Variants in SCYL2 observed in about 807,000 individuals in gnomAD.
SCYL2 encodes SCY1 like pseudokinase 2.
Under a neutral mutation model 100.4 loss-of-function variants are expected in SCYL2, and 36 were observed. That is an observed-to-expected ratio of 0.36 (90% confidence interval 0.27 to 0.47). The LOEUF is 0.47. Ranked by LOEUF, SCYL2 falls within the 20% of genes least tolerant of loss-of-function variation. The probability of loss-of-function intolerance (pLI) is 1.00; values close to 1 mark genes in which losing one functional copy is unlikely to be tolerated. For missense variants in SCYL2, 902 were observed against 1,083.9 expected, an observed-to-expected ratio of 0.83 and a Z score of 2.36; for synonymous variants, 330 against 359.2, an observed-to-expected ratio of 0.92 and a Z score of 0.92.
chr12:100,304,560 G>A lies in SCYL2; in HGVS notation c.480+6385G>A, dbSNP rs148825908. Among the ~76,000 whole-genome samples the A allele has an allele frequency of 1.9e-3, 295 of 152,278 alleles. 7 individuals are homozygous for A. Among genetic ancestry groups the A allele is most frequent in the African/African-American group, 6.9e-3 (287 of 41,562 alleles). On this transcript the variant is annotated intron_variant, in intron 4 of 17. Coordinates refer to ENST00000360820, the MANE Select transcript of SCYL2 (RefSeq NM_017988.6). Reference sequence around the variant, plus strand: ...TTCCCAGGTGAGGTGAAGCCACACTGTGCTTCAGCTTGCCCTCTGTGGGCT... The same window carrying A: ...TTCCCAGGTGAGGTGAAGCCACACTATGCTTCAGCTTGCCCTCTGTGGGCT...
chr12:100,327,930 A>G (rs1354138017), intron 12 of SCYL2, among the ~76,000 whole-genome samples: 6 of 152,200 alleles, frequency 3.9e-5, no homozygotes, highest in Admixed American at 2.0e-4. Context: ...GTGGACCTCT[A>G]TAGACATGGA....
chr12:100,279,399 C>T (rs2096295860), intron 1 of SCYL2, among the ~76,000 whole-genome samples: 1 of 152,184 alleles, frequency 6.6e-6, no homozygotes, highest in Non-Finnish European at 1.5e-5. Flanking sequence ...CCTAATAGGC[C>T]GTGGACTGGT....
intron 9 of SCYL2, among the ~76,000 whole-genome samples, chr12:100,316,757 A>C (rs2096349202): frequency 6.6e-6 from 1 of 152,216 alleles, no homozygotes; most frequent in South Asian, 2.1e-4. Context: ...GGATCCTATA[A>C]TCTGAATTCT....
At chr12:100,288,374 CT>C (rs1172794081) in intron 2 of SCYL2, among the ~76,000 whole-genome samples, 2 of 152,064 alleles carry the variant, frequency 1.3e-5, no homozygotes, top group Admixed American at 1.3e-4. Flanking sequence ...TCTCAAGCCC[CT>C]GGCGTCAAAC....
intron 11 of SCYL2, among the ~76,000 whole-genome samples, chr12:100,324,335 G>A (rs141640692): frequency 2.7e-4 from 41 of 152,166 alleles, no homozygotes; most frequent in African/African-American, 8.7e-4. Context: ...ATTGAATGCT[G>A]TCTTCAAAAT....
chr12:100,298,092 T>C lies in SCYL2; in HGVS notation c.397T>C (p.Trp133Arg). The C allele has an allele frequency of 6.2e-7, 1 of 1,610,956 alleles. No individual in the cohort carries two copies. Among genetic ancestry groups the C allele is most frequent in the East Asian group, 2.2e-5 (1 of 44,648 alleles). Residue 133 changes from tryptophan to arginine, a missense_variant, in exon 4 of 18, where the codon TGG (tryptophan) becomes CGG (arginine). Physicochemically the swap from Trp to Arg is moderately radical, Grantham distance 101. Coordinates refer to ENST00000360820, the MANE Select transcript of SCYL2 (RefSeq NM_017988.6). ...CAGTTTAGCCAATGTTCTTGGTAAC[T>C]GGGAAAATCTACCTTCCCCTATATC... ...FASLANVLGN[W>R]ENLPSPISPD...
chr12:100,338,988 T>G lies in SCYL2; in HGVS notation c.2606T>G (p.Val869Gly). The G allele has an allele frequency of 6.2e-7, 1 of 1,614,154 alleles. No homozygotes were observed. Among genetic ancestry groups the G allele is most frequent in the Non-Finnish European group, 8.5e-7 (1 of 1,179,976 alleles). Residue 869 changes from valine to glycine, a missense_variant, in exon 18 of 18, where the codon GTA (valine) becomes GGA (glycine). Transcript: ENST00000360820. ...CCAAATCAGTGGCTTAATCAGTTTG[T>G]ACCTCCTCAAGGTTCTCCAACTATG... ...QKPNQWLNQFVPPQGSPTMGS... is the reference protein window; with the variant it reads ...QKPNQWLNQFGPPQGSPTMGS...
chr12:100,278,693 G>GAT lies in SCYL2; in HGVS notation c.-28-4249_-28-4248dup, dbSNP rs547111258. Among the ~76,000 whole-genome samples the GAT allele has an allele frequency of 2.8e-4, 42 of 147,644 alleles. No individual in the cohort carries two copies. In the South Asian group the frequency reaches 7.3e-3, roughly 26 times the overall value. ...TCGCCAAGCTGGAGTGCAGTGGCGT[G>GAT]ATCTCGGCTTACTGCAACCTTCACC... is the stretch of plus-strand genomic sequence containing the variant. On this transcript the variant is annotated intron_variant, in intron 1 of 17. Coordinates refer to ENST00000360820, the MANE Select transcript of SCYL2 (RefSeq NM_017988.6).
chr12:100,339,427 A>C lies in SCYL2; in HGVS notation c.*255A>C. 7.1e-6 allele frequency: 3 copies of C among 423,662 alleles called. No homozygotes were observed. Among genetic ancestry groups the C allele is most frequent in the Non-Finnish European group, 4.2e-6 (1 of 238,234 alleles). The allele number at this position is 423,662 out of a possible 1,614,324, so 26.2% of individuals were successfully genotyped here. On this transcript the variant is annotated 3_prime_UTR_variant, in exon 18 of 18. Transcript: ENST00000360820. ...AAAGACCCAGCCCTTCCCAATCTCAAAGAGAAAAAGGAAACTGAGTTATCT... is the reference window on the plus strand; with the variant it reads ...AAAGACCCAGCCCTTCCCAATCTCACAGAGAAAAAGGAAACTGAGTTATCT...
At chr12:100,280,484 C>T (rs913161776) in intron 1 of SCYL2, among the ~76,000 whole-genome samples, 1 of 152,168 alleles carries the variant, frequency 6.6e-6, no homozygotes, top group African/African-American at 2.4e-5. Context: ...GAAAAGTCTT[C>T]ATGTAACCCT....
intron 5 of SCYL2, among the ~76,000 whole-genome samples, chr12:100,311,669 G>T (rs574530180): frequency 3.3e-5 from 5 of 152,160 alleles, no homozygotes; most frequent in African/African-American, 1.2e-4. Flanking sequence ...GAGAATAAAA[G>T]AACTGCCTAA....
chr12:100,304,909 G>A (rs2096332390), intron 4 of SCYL2, among the ~76,000 whole-genome samples: 1 of 151,818 alleles, frequency 6.6e-6, no homozygotes, highest in South Asian at 2.1e-4. Context: ...GACAAAGAAG[G>A]GCACTACATA....
rs867681591 is a variant in SCYL2 at position 100,298,057 on chromosome 12, C to G, written c.362C>G (p.Pro121Arg). 6.2e-7 allele frequency: 1 copy of G among 1,610,302 alleles called. No individual in the cohort carries two copies. Among genetic ancestry groups the G allele is most frequent in the Non-Finnish European group, 8.5e-7 (1 of 1,178,734 alleles). The part of the protein sequence containing the change: ...SRDCLAFCTE[P>R]VFASLANVLG... The stretch of plus-strand genomic sequence containing the variant: ...GATTGCTTGGCATTTTGTACAGAAC[C>G]AGTTTTTGCCAGTTTAGCCAATGTT... The change falls in exon 4 of 18, where the codon CCA becomes CGA. Residue 121 changes from proline to arginine, a missense_variant. Pro to Arg is a moderately radical substitution (Grantham distance 103, BLOSUM62 -2). Transcript: ENST00000360820.
intron 5 of SCYL2, among the ~76,000 whole-genome samples, chr12:100,311,772 T>G (rs1004520574): frequency 7.2e-5 from 11 of 152,244 alleles, no homozygotes; most frequent in African/African-American, 2.4e-4. Flanking sequence ...TACCTGCCTA[T>G]TCATACTTAG....
intron 4 of SCYL2, among the ~76,000 whole-genome samples, chr12:100,307,404 T>A (rs2096335951): frequency 6.6e-6 from 1 of 152,222 alleles, no homozygotes; most frequent in South Asian, 2.1e-4. Flanking sequence ...AAGGATTTCC[T>A]ATTTAATGAA....
At chr12:100,311,462 CAATAACACATGTG>C (rs1301174782) in intron 5 of SCYL2, among the ~76,000 whole-genome samples, 7 of 151,336 alleles carry the variant, frequency 4.6e-5, no homozygotes, top group Non-Finnish European at 1.0e-4. Flanking sequence ...ATGTCAAATG[CAATAACACATGTG>C]ACTCTCTAGC....
intron 5 of SCYL2, among the ~76,000 whole-genome samples, chr12:100,311,659 G>C (rs1409552015): frequency 1.3e-5 from 2 of 152,202 alleles, no homozygotes; most frequent in Non-Finnish European, 1.5e-5. Flanking sequence ...AGTAGGCTCA[G>C]AGAATAAAAG....
intron 12 of SCYL2, chr12:100,327,166 A>G (rs1224224328): frequency 7.5e-6 from 3 of 398,954 alleles, no homozygotes; most frequent in East Asian, 1.5e-4. Context: ...AATAGGTACT[A>G]TTGTTTCTAT....
chr12:100,337,722 G>A (rs749538209), intron 17 of SCYL2, among the ~76,000 whole-genome samples: 71 of 152,132 alleles, frequency 4.7e-4, no homozygotes, highest in Non-Finnish European at 9.4e-4. Flanking sequence ...CAGTAAAAAA[G>A]AAGCTAGAAG....
Sources: gnomAD v4.1 joint callset for allele counts (sites outside exome capture counted in the v4.1 genomes callset) on GRCh38, gnomAD v4.1.1 for gene constraint, MANE v1.5 for transcripts, NCBI Gene and HGNC (gene_info 2026-07-23, HGNC 2026-07-21) for gene names.